The following SYT14 variants were observed in gnomAD, a reference collection of about 807,000 sequenced individuals.
SYT14 encodes the protein synaptotagmin 14, also known as synaptotagmin-14.
SYT14 carries 32 observed loss-of-function variants against 74.2 expected under a neutral mutation model. The ratio of observed to expected loss-of-function variants is 0.43; its 90% CI spans 0.33 to 0.58. SYT14 has a LOEUF of 0.58. Ranked by LOEUF, SYT14 falls within the 20% of genes least tolerant of loss-of-function variation. The probability of loss-of-function intolerance (pLI) is 0.05; values close to 1 mark genes in which losing one functional copy is unlikely to be tolerated. For synonymous variants in SYT14, 298 were observed against 337.7 expected (o/e 0.88, Z 1.29); for missense variants, 791 against 981.8 (o/e 0.81, Z 2.60).
intron 7 of SYT14, among the ~76,000 whole-genome samples, chr1:210,132,050 T>TG (rs2082684995): frequency 6.6e-6 from 1 of 152,144 alleles, no homozygotes; most frequent in Non-Finnish European, 1.5e-5. Context: ...ACCTGATACC[T>TG]GAACTGGCTC....
chr1:209,959,970 C>T (rs762260371), intron 2 of SYT14, among the ~76,000 whole-genome samples: 1 of 152,116 alleles, frequency 6.6e-6, no homozygotes, highest in Non-Finnish European at 1.5e-5. Flanking sequence ...TTATTCTTAA[C>T]CAGCTCCTCT....
chr1:209,974,342 C>G, intron 2 of SYT14, among the ~76,000 whole-genome samples: 1 of 152,006 alleles, frequency 6.6e-6, no homozygotes, highest in Non-Finnish European at 1.5e-5. Flanking sequence ...TTTATGGTTT[C>G]AGGTCTAACA....
intron 7 of SYT14, among the ~76,000 whole-genome samples, chr1:210,111,020 A>ATTGGTGT (rs2102579491): frequency 6.6e-6 from 1 of 152,366 alleles, no homozygotes; most frequent in East Asian, 1.9e-4. Context: ...CTGGGATTAC[A>ATTGGTGT]GGTGTGAGCC....
At chr1:209,960,824 C>T (rs1023232377) in intron 2 of SYT14, among the ~76,000 whole-genome samples, 3 of 152,092 alleles carry the variant, frequency 2.0e-5, no homozygotes, top group Non-Finnish European at 4.4e-5. Flanking sequence ...CTGTTCAATT[C>T]TGATAGTTTC....
intron 7 of SYT14, among the ~76,000 whole-genome samples, chr1:210,101,941 C>G (rs755936372): frequency 6.6e-6 from 1 of 152,154 alleles, no homozygotes; most frequent in African/African-American, 2.4e-5. Flanking sequence ...GAAAATAATA[C>G]TGTCTTATCT....
At chr1:210,018,781 G>T (rs2080240153) in intron 4 of SYT14, among the ~76,000 whole-genome samples, 1 of 152,056 alleles carries the variant, frequency 6.6e-6, no homozygotes, top group African/African-American at 2.4e-5. Context: ...CCTTCATTTA[G>T]CTGAATGGTA....
chr1:210,012,300 ACACTGTGTTGTAATT>A (rs1214422727), intron 2 of SYT14, among the ~76,000 whole-genome samples: 5 of 152,114 alleles, frequency 3.3e-5, no homozygotes, highest in Non-Finnish European at 5.9e-5. Flanking sequence ...TGTCTTTATT[ACACTGTGTTGTAATT>A]GTCTTCACCA....
chr1:210,057,208 A>G (rs1024278963), intron 5 of SYT14, among the ~76,000 whole-genome samples: 1 of 152,170 alleles, frequency 6.6e-6, no homozygotes, highest in Non-Finnish European at 1.5e-5. Flanking sequence ...GGTAGTATAA[A>G]TATCTAAATT....
chr1:210,058,730 A>G (rs780639202), intron 5 of SYT14, among the ~76,000 whole-genome samples: 4 of 152,228 alleles, frequency 2.6e-5, no homozygotes, highest in Non-Finnish European at 5.9e-5. Flanking sequence ...TACTACCTGC[A>G]TGCAAACAGT....
chr1:210,013,712 TAAG>T (rs746232979), exon 3 of SYT14: 1 of 1,613,166 alleles, frequency 6.2e-7, no homozygotes, highest in Non-Finnish European at 8.5e-7. Context: ...TCTATATTAA[TAAG>T]AAGTTCTGTT....
exon 4 of SYT14, chr1:210,016,001 A>C: frequency 2.4e-6 from 3 of 1,232,084 alleles, no homozygotes; most frequent in Non-Finnish European, 1.0e-6. Flanking sequence ...AAGGAATTAG[A>C]AAATGGCATT....
chr1:210,091,256 A>T (rs182319295), intron 5 of SYT14, among the ~76,000 whole-genome samples: 4 of 152,330 alleles, frequency 2.6e-5, no homozygotes, highest in Admixed American at 2.6e-4. Context: ...ACCTAATATA[A>T]AAAAGCAAAC....
chr1:209,968,872 A>G (rs1231302221), intron 2 of SYT14, among the ~76,000 whole-genome samples: 1 of 152,034 alleles, frequency 6.6e-6, no homozygotes, highest in Non-Finnish European at 1.5e-5. Flanking sequence ...TCCAATAGGT[A>G]GCTTTTCAAC....
chr1:209,984,792 A>G (rs1438929373), intron 2 of SYT14, among the ~76,000 whole-genome samples: 5 of 152,202 alleles, frequency 3.3e-5, no homozygotes, highest in African/African-American at 1.2e-4. Flanking sequence ...GAGAGGGCTC[A>G]GGGAGCTTTT....
chr1:210,095,493 A>G (rs1429252256), intron 6 of SYT14, among the ~76,000 whole-genome samples: 6 of 152,150 alleles, frequency 3.9e-5, no homozygotes, highest in African/African-American at 7.2e-5. Flanking sequence ...GGCTCAAGCA[A>G]TCTTCCTGCT....
intron 7 of SYT14, among the ~76,000 whole-genome samples, chr1:210,122,539 CT>C (rs1157762715): frequency 1.3e-5 from 2 of 151,018 alleles, no homozygotes; most frequent in Non-Finnish European, 2.9e-5. Context: ...GGTTGGCAAA[CT>C]TTTTCTGTAA....
chr1:210,132,724 T>C (rs1485340726), intron 7 of SYT14, among the ~76,000 whole-genome samples: 4 of 152,060 alleles, frequency 2.6e-5, no homozygotes, highest in Non-Finnish European at 4.4e-5. Flanking sequence ...CTTCAGAGTA[T>C]TGCAACTAGA....
At chr1:210,014,945 G>A (rs1395960854) in intron 3 of SYT14, among the ~76,000 whole-genome samples, 1 of 151,732 alleles carries the variant, frequency 6.6e-6, no homozygotes, top group Non-Finnish European at 1.5e-5. Context: ...CTATTGATAT[G>A]TACCATATTA....
In SYT14 at chr1:210,155,763, G is replaced by C. The variant is rs1184141419; in HGVS notation, c.2077G>C (p.Glu693Gln). 6 of 1,613,992 alleles carry C rather than the reference G, an allele frequency of 3.7e-6. No homozygotes were observed. The highest frequency in any genetic ancestry group is 5.1e-6 in the Non-Finnish European group (6 of 1,180,008). The change falls in exon 8 of 10, where the codon GAA becomes CAA. Residue 693 changes from glutamate to glutamine, a missense_variant. Glu to Gln is a conservative substitution (Grantham distance 29). Transcript: ENST00000637265. ...GAGCGTGTCAGAAATGTCGTGTAGT[G>C]AAAGTACATCCTCATGTCAGTCTCT...
Sources: allele counts gnomAD v4.1 joint callset (sites outside exome capture counted in the v4.1 genomes callset), GRCh38; gene constraint gnomAD v4.1.1; transcripts MANE v1.5; gene names NCBI Gene and HGNC (gene_info 2026-07-23, HGNC 2026-07-21).